DEPDC5: variants seen among roughly 807,000 people sequenced by gnomAD.
The protein encoded by DEPDC5 is DEP domain containing 5, GATOR1 subcomplex subunit.
Under a neutral mutation model 217.3 loss-of-function variants are expected in DEPDC5, and 73 were observed. That is an observed-to-expected ratio of 0.34 (90% confidence interval 0.28 to 0.41). The LOEUF (loss-of-function observed/expected upper bound fraction) is 0.41, where lower values mean the gene tolerates loss of function less well. Ranked by LOEUF, DEPDC5 falls within the 10% of genes least tolerant of loss-of-function variation. The pLI, the probability that DEPDC5 is intolerant of heterozygous loss-of-function variation, is 1.00. For synonymous variants in DEPDC5, 733 were observed against 756.7 expected (o/e 0.97, Z 0.51); for missense variants, 1,675 against 2,070.1 (o/e 0.81, Z 3.70).
intron 7 of DEPDC5, among the ~76,000 whole-genome samples, chr22:31,771,235 G>A (rs931800829): frequency 6.6e-6 from 1 of 152,072 alleles, no homozygotes; most frequent in East Asian, 1.9e-4. Context: ...TCATCAACTA[G>A]GTCTATTTGA....
intron 24 of DEPDC5, among the ~76,000 whole-genome samples, chr22:31,826,251 C>T (rs2148862840): frequency 6.6e-6 from 1 of 152,248 alleles, no homozygotes; most frequent in East Asian, 1.9e-4. Context: ...CTGTGATCTG[C>T]CCATCTCAGC....
At position 31,802,889 on chromosome 22, in the gene DEPDC5, C is replaced by T. The variant is rs549958718; in HGVS notation, c.1081+51C>T. On this transcript the variant is annotated intron_variant, in intron 15 of 42. Transcript: ENST00000651528. The stretch of plus-strand genomic sequence containing the variant: ...TCTCCACATGTTCCTAGCCTGATTT[C>T]CCCTTAGAACTGTGAGCTTCACTGA... The T allele has an allele frequency of 2.9e-5, 43 of 1,505,618 alleles. No homozygotes were observed. The East Asian group carries it at 9.2e-4, about 32-fold the overall frequency. The allele number at this position is 1,505,618 out of a possible 1,614,324, so 93.3% of individuals were successfully genotyped here. A position where few individuals can be genotyped will look rare whatever the true frequency, so the allele number is the denominator to read the frequency against.
intron 24 of DEPDC5, chr22:31,823,244 C>T (rs1319187438): frequency 6.2e-6 from 1 of 161,546 alleles, no homozygotes; most frequent in Non-Finnish European, 1.4e-5. Flanking sequence ...TGAGCATGCA[C>T]CAGGGCTGGG....
intron 15 of DEPDC5, among the ~76,000 whole-genome samples, chr22:31,803,297 G>T (rs1041787614): frequency 6.6e-6 from 1 of 151,678 alleles, no homozygotes; most frequent in Non-Finnish European, 1.5e-5. Context: ...TGCAAGCTCC[G>T]CCTCCTGGGT....
At chr22:31,797,464 C>T in intron 12 of DEPDC5, 136 bp from the exon 13 acceptor site, 1 of 666,794 alleles carries the variant, frequency 1.5e-6, no homozygotes, top group Non-Finnish European at 2.7e-6. Flanking sequence ...GAAACCACCC[C>T]CATGATCCAG....
At chr22:31,776,314 G>A (rs2083851289) in intron 7 of DEPDC5, among the ~76,000 whole-genome samples, 1 of 151,896 alleles carries the variant, frequency 6.6e-6, no homozygotes, top group African/African-American at 2.4e-5. Flanking sequence ...GTCTCACTAT[G>A]CTACCTAGGC....
At chr22:31,807,730 C>G (rs1370684998) in intron 18 of DEPDC5, among the ~76,000 whole-genome samples, 4 of 152,168 alleles carry the variant, frequency 2.6e-5, no homozygotes, top group Non-Finnish European at 5.9e-5. Context: ...CTGCACCCGG[C>G]CAGAACTCGA....
intron 14 of DEPDC5, among the ~76,000 whole-genome samples, chr22:31,800,676 T>TA (rs978949145): frequency 6.6e-6 from 1 of 151,820 alleles, no homozygotes; most frequent in African/African-American, 2.4e-5. Flanking sequence ...AAATCTACTT[T>TA]AAAAAAAATT....
intron 2 of DEPDC5, among the ~76,000 whole-genome samples, chr22:31,758,172 G>A (rs1273377239): frequency 1.3e-5 from 2 of 152,180 alleles, no homozygotes; most frequent in Non-Finnish European, 2.9e-5. Flanking sequence ...GTAACGAATT[G>A]TGCTGTATCT....
chr22:31,806,908 A>C (rs1438642903), intron 18 of DEPDC5, among the ~76,000 whole-genome samples: 2 of 152,172 alleles, frequency 1.3e-5, no homozygotes, highest in African/African-American at 2.4e-5. Context: ...GCTACTTGGG[A>C]GGCTAAAACG....
At chr22:31,809,832 A>C (rs1053761355) in intron 19 of DEPDC5, among the ~76,000 whole-genome samples, 185 bp downstream of exon 19, 1 of 152,178 alleles carries the variant, frequency 6.6e-6, no homozygotes, top group Non-Finnish European at 1.5e-5. Flanking sequence ...TACAAAAAAA[A>C]TTAGCTGGGT....
At chr22:31,889,512 A>G (rs2093390560) in intron 38 of DEPDC5, among the ~76,000 whole-genome samples, 1 of 148,690 alleles carries the variant, frequency 6.7e-6, no homozygotes, top group African/African-American at 2.5e-5. Context: ...GAAGAAACAC[A>G]CAGTGTCCAA....
chr22:31,833,078 A>G (rs779437799), intron 24 of DEPDC5, among the ~76,000 whole-genome samples: 1 of 152,184 alleles, frequency 6.6e-6, no homozygotes, highest in African/African-American at 2.4e-5. Flanking sequence ...GTGTATTTAC[A>G]TAGAGATGGT....
chr22:31,858,843 A>G (rs2092400209), intron 32 of DEPDC5: 1 of 152,172 alleles, frequency 6.6e-6, no homozygotes. Flanking sequence ...TATGCTTGGA[A>G]TAATCATTTG....
In DEPDC5 at chr22:31,879,866, G is replaced by A. The variant is rs9621357; in HGVS notation, c.4033+114G>A. On this transcript the variant is annotated intron_variant, in intron 38 of 42. Coordinates refer to ENST00000651528, the MANE Select transcript of DEPDC5 (RefSeq NM_001242896.3). ...AACCAGGATTAGAGTCGCTGAGGCC[G>A]TCACACAGGCCACTGTGTCTGTCGG... is the stretch of plus-strand genomic sequence containing the variant. The A allele has an allele frequency of 0.14, 138,339 of 1,016,154 alleles. 10,016 individuals carry two copies. The highest frequency in any genetic ancestry group is 0.2 in the South Asian group (13,225 of 65,622). 62.9% of individuals were successfully genotyped at this position (1,016,154 alleles called of 1,614,324 possible).
rs2149295505 is a variant in DEPDC5, at chr22:31,879,682, C to T, written c.3963C>T (p.Ala1321=). The change falls in exon 38 of 43, where the codon GCC becomes GCT. Residue 1321 remains alanine, a synonymous_variant. Coordinates refer to ENST00000651528, the MANE Select transcript of DEPDC5 (RefSeq NM_001242896.3). ...FLLPWLPSRP[A]SYASRHSSFS... ...TGCCCTGGCTGCCTAGCCGGCCAGC[C>T]TCCTATGCAAGTAGGCACAGCTCCT... 3 of 1,614,158 alleles carry T rather than the reference C, an allele frequency of 1.9e-6. No homozygotes were observed. In the South Asian group the frequency reaches 3.3e-5, roughly 18 times the overall value.
At chr22:31,776,844 G>C (rs1181392510) in intron 7 of DEPDC5, among the ~76,000 whole-genome samples, 1 of 151,742 alleles carries the variant, frequency 6.6e-6, no homozygotes, top group East Asian at 1.9e-4. Context: ...CAAAGTGCTG[G>C]GATTACAGGC....
At chr22:31,861,492 CT>C (rs1387625185) in intron 33 of DEPDC5, 59 bp downstream of exon 33, 1 of 1,530,482 alleles carries the variant, frequency 6.5e-7, no homozygotes, top group East Asian at 2.5e-5. Context: ...ATGAGCTGGC[CT>C]TCTGTTAGGC....
chr22:31,874,238 A>G (rs1281791102), intron 35 of DEPDC5, 35 bp from the exon 36 acceptor site: 1 of 1,593,318 alleles, frequency 6.3e-7, no homozygotes, highest in Non-Finnish European at 8.6e-7. Flanking sequence ...GGGCACACAC[A>G]TCCCCTGCTC....
Sources: allele counts gnomAD v4.1 joint callset (sites outside exome capture counted in the v4.1 genomes callset), GRCh38; gene constraint gnomAD v4.1.1; transcripts MANE v1.5; gene names NCBI Gene and HGNC (gene_info 2026-07-23, HGNC 2026-07-21).